Variants in SUPT3H observed in about 807,000 individuals in gnomAD.
The protein encoded by SUPT3H is transcription initiation protein SPT3 homolog.
In SUPT3H, 44 loss-of-function variants were observed where a neutral mutation model predicts 44.3. The ratio of observed to expected loss-of-function variants is 0.99; its 90% confidence interval spans 0.78 to 1.28. The LOEUF (loss-of-function observed/expected upper bound fraction) is 1.28. SUPT3H is among the 50% of genes most tolerant of loss of function. The pLI, the probability that SUPT3H is intolerant of heterozygous loss-of-function variation, is 0.00. For synonymous variants in SUPT3H, 124 were observed against 125.6 expected (o/e 0.99, Z 0.09); for missense variants, 380 against 387.1 (o/e 0.98, Z 0.15).
At chr6:44,938,113 GTGCTTTTGAGGTCTTAGTCAT>G (rs1771792354) in intron 9 of SUPT3H, among the ~76,000 whole-genome samples, 1 of 149,224 alleles carries the variant, frequency 6.7e-6, no homozygotes, top group South Asian at 2.1e-4. Context: ...TTTTTTACCT[GTGCTTTTGAGGTCTTAGTCAT>G]GAATTCTTCA....
chr6:45,306,151 G>T (rs535054699), intron 2 of SUPT3H, among the ~76,000 whole-genome samples: 121 of 152,198 alleles, frequency 8.0e-4, no homozygotes, highest in African/African-American at 2.9e-3. Context: ...CAGGCTTCAG[G>T]TCTCAACTCC....
At chr6:45,348,456 C>T (rs1045600230) in intron 2 of SUPT3H, among the ~76,000 whole-genome samples, 11 of 143,662 alleles carry the variant, frequency 7.7e-5, no homozygotes, top group Non-Finnish European at 1.3e-4. Flanking sequence ...CACTTGAGGT[C>T]TAGAGTTCCA....
intron 2 of SUPT3H, among the ~76,000 whole-genome samples, chr6:45,304,273 A>G (rs1782648032): frequency 6.6e-6 from 1 of 152,210 alleles, no homozygotes; most frequent in African/African-American, 2.4e-5. Context: ...AAAATATTAC[A>G]GATAAAAGTT....
chr6:45,245,857 T>C lies in SUPT3H; in HGVS notation c.101+119344A>G, dbSNP rs375745678. Among the ~76,000 whole-genome samples the C allele has an allele frequency of 4.6e-3, 695 of 152,254 alleles. 2 individuals carry two copies. The highest frequency in any genetic ancestry group is 7.4e-3 in the Non-Finnish European group (503 of 67,964). On this transcript the variant is annotated intron_variant, in intron 2 of 10. Transcript: ENST00000371459. ...CTGTTTAATTTTTGAAGAACCACTA[T>C]ACCATTTTTCACAGCAGTTCAACAA...
Position 45,335,027 on chromosome 6 carries a change from TA to T in SUPT3H, c.101+30173del, listed in dbSNP as rs1474914106. On this transcript the variant is annotated intron_variant, in intron 2 of 10. Transcript: ENST00000371459. ...TTATAAGGGCAAATATGAATGGAAT[TA>T]ATTTGCTAATAGATTCCTATTTATA... Among the ~76,000 whole-genome samples, 11 of 151,402 alleles carry T rather than the reference TA, an allele frequency of 7.3e-5. No individual in the cohort carries two copies. The East Asian group carries it at 1.9e-3, about 27-fold the overall frequency.
intron 2 of SUPT3H, among the ~76,000 whole-genome samples, chr6:45,243,478 A>C (rs150756334): frequency 0.019 from 2,706 of 145,354 alleles, 54 homozygotes; most frequent in South Asian, 0.096. Context: ...TGATAAAATC[A>C]ATAAATCACT....
rs75699414 is a variant in SUPT3H at position 44,984,444 on chromosome 6, G to A, written c.504+19209C>T. ...GAGTTGTAGTTCTTGAGGCCCAGTT[G>A]TATACCCATCTGTAGGTTGCTTAGA... On this transcript the variant is annotated intron_variant, in intron 6 of 10. Coordinates refer to ENST00000371459, the MANE Select transcript of SUPT3H (RefSeq NM_003599.4). Among the ~76,000 whole-genome samples the A allele has an allele frequency of 1.4e-3, 214 of 152,248 alleles. 4 individuals are homozygous for A. The East Asian group carries it at 0.041, about 29-fold the overall frequency.
intron 11 of SUPT3H, among the ~76,000 whole-genome samples, chr6:44,812,705 T>A (rs916994582): frequency 6.6e-6 from 1 of 152,166 alleles, no homozygotes; most frequent in Non-Finnish European, 1.5e-5. Flanking sequence ...AAAGTCAGGT[T>A]CTCTTTTTTT....
At chr6:44,891,445 A>G (rs1265627245) in intron 10 of SUPT3H, among the ~76,000 whole-genome samples, 1 of 152,178 alleles carries the variant, frequency 6.6e-6, no homozygotes, top group Non-Finnish European at 1.5e-5. Flanking sequence ...TCTGATACAC[A>G]TTACAATAAG....
chr6:45,304,416 C>T (rs1258544341), intron 2 of SUPT3H, among the ~76,000 whole-genome samples: 1 of 152,062 alleles, frequency 6.6e-6, no homozygotes, highest in Non-Finnish European at 1.5e-5. Flanking sequence ...ATGAAACCAT[C>T]CAAAAAACTA....
chr6:45,023,175 AG>A (rs1391316632), intron 3 of SUPT3H, among the ~76,000 whole-genome samples: 1 of 152,064 alleles, frequency 6.6e-6, no homozygotes, highest in Non-Finnish European at 1.5e-5. Context: ...AAAAAAGCTC[AG>A]TAACACTGAT....
intron 10 of SUPT3H, among the ~76,000 whole-genome samples, chr6:44,920,546 A>G (rs1450201109): frequency 6.7e-6 from 1 of 148,862 alleles, no homozygotes; most frequent in Admixed American, 6.8e-5. Context: ...TGGGTGATAG[A>G]ATGGGACCTT....
chr6:45,172,542 C>T (rs911723993), intron 2 of SUPT3H, among the ~76,000 whole-genome samples: 3 of 151,172 alleles, frequency 2.0e-5, no homozygotes, highest in Admixed American at 6.6e-5. Flanking sequence ...ACCCAATATG[C>T]CTGAAAACAG....
chr6:44,942,542 G>C (rs903685629), intron 9 of SUPT3H, among the ~76,000 whole-genome samples: 2 of 152,122 alleles, frequency 1.3e-5, no homozygotes, highest in Non-Finnish European at 2.9e-5. Context: ...AATCCCCAAA[G>C]GGACAGAATA....
intron 6 of SUPT3H, among the ~76,000 whole-genome samples, chr6:44,977,567 A>G (rs1166269402): frequency 6.6e-6 from 1 of 152,186 alleles, no homozygotes; most frequent in Non-Finnish European, 1.5e-5. Context: ...CATGCATCTT[A>G]TCTGATCTCA....
intron 3 of SUPT3H, among the ~76,000 whole-genome samples, chr6:45,038,280 A>G (rs757690541): frequency 6.6e-6 from 1 of 152,320 alleles, no homozygotes; most frequent in South Asian, 2.1e-4. Flanking sequence ...TACTCAAATT[A>G]ATTCATCAAG....
At chr6:45,254,071 T>A (rs1260522902) in intron 2 of SUPT3H, among the ~76,000 whole-genome samples, 1 of 151,936 alleles carries the variant, frequency 6.6e-6, no homozygotes, top group Non-Finnish European at 1.5e-5. Flanking sequence ...TTATATTTTA[T>A]ATCTTTAAAT....
At chr6:45,329,492 A>G (rs887368992) in intron 2 of SUPT3H, among the ~76,000 whole-genome samples, 4 of 151,446 alleles carry the variant, frequency 2.6e-5, no homozygotes, top group African/African-American at 9.7e-5. Flanking sequence ...ATGCAACTGC[A>G]TTTTTCTATG....
At chr6:45,286,538 T>G (rs918643972) in intron 2 of SUPT3H, among the ~76,000 whole-genome samples, 6 of 151,902 alleles carry the variant, frequency 3.9e-5, no homozygotes, top group Non-Finnish European at 7.4e-5. Context: ...AAAACGACAA[T>G]GAGATACCAA....
Sources: gnomAD v4.1 joint callset for allele counts (sites outside exome capture counted in the v4.1 genomes callset) on GRCh38, gnomAD v4.1.1 for gene constraint, MANE v1.5 for transcripts, NCBI Gene and HGNC (gene_info 2026-07-23, HGNC 2026-07-21) for gene names.